PIWIL4: variants seen among roughly 807,000 people sequenced by gnomAD.
PIWIL4 encodes the protein piwi-like protein 4.
In PIWIL4, 50 loss-of-function variants were observed where a neutral mutation model predicts 100.9. That is an observed-to-expected ratio of 0.50 (90% CI 0.39 to 0.63). The LOEUF (loss-of-function observed/expected upper bound fraction) is 0.63, where lower values mean the gene tolerates loss of function less well. Ranked by LOEUF, PIWIL4 falls within the 20% of genes least tolerant of loss-of-function variation. The pLI is 0.00. For synonymous variants in PIWIL4, 342 were observed against 367.5 expected, an observed-to-expected ratio of 0.93 and a Z score of 0.79; for missense variants, 887 against 1,043.3, an observed-to-expected ratio of 0.85 and a Z score of 2.06.
In PIWIL4 at chr11:94,593,658, A is replaced by G. The variant is rs1177058753; in HGVS notation, c.1150+17A>G. ...TTCTAACAGGTAATGTTTGTGTTTT[A>G]TACCTCTGTCAGGCTCCTGGATACA... On this transcript the variant is annotated intron_variant, in intron 9 of 19. Coordinates refer to ENST00000299001, the MANE Select transcript of PIWIL4 (RefSeq NM_152431.3). 6.2e-7 allele frequency: 1 copy of G among 1,612,590 alleles called. No homozygotes were observed. The highest frequency in any genetic ancestry group is 1.3e-5 in the African/African-American group (1 of 74,864).
intron 13 of PIWIL4, among the ~76,000 whole-genome samples, chr11:94,606,025 T>G (rs567407630): frequency 6.6e-6 from 1 of 152,222 alleles, no homozygotes. Context: ...TAGCAGAGAA[T>G]AGTATTTAGA....
rs1948900094 is a variant in PIWIL4 at position 94,621,094 on chromosome 11, T to C, written c.*102T>C. 2.6e-6 allele frequency: 2 copies of C among 759,600 alleles called. No individual in the cohort carries two copies. Among genetic ancestry groups the C allele is most frequent in the Non-Finnish European group, 4.3e-6 (2 of 466,192 alleles). 47.1% of individuals were successfully genotyped at this position (759,600 alleles called of 1,614,324 possible). ...TCAAGGCTGTGACTGGGGAAAAAGA[T>C]TGAGCTTAGTTTTCATGTCTAGGAA... On this transcript the variant is annotated 3_prime_UTR_variant, in exon 20 of 20. Transcript: ENST00000299001.
intron 12 of PIWIL4, 78 bp downstream of exon 12, chr11:94,602,057 A>G (rs1241061713): frequency 1.0e-5 from 14 of 1,354,664 alleles, no homozygotes; most frequent in African/African-American, 3.0e-5. Context: ...ATGTATCAAC[A>G]AAAGCTTCTT....
At chr11:94,614,300 C>CT (rs57731239) in intron 15 of PIWIL4, among the ~76,000 whole-genome samples, 45,573 of 120,088 alleles carry the variant, frequency 0.38, 8,311 homozygotes, top group African/African-American at 0.4. Context: ...TTTTTCTTTT[C>CT]TTTTTTTTTT....
chr11:94,617,837 C>A, intron 16 of PIWIL4, 117 bp from the exon 17 acceptor site: 1 of 1,050,382 alleles, frequency 9.5e-7, no homozygotes, highest in Non-Finnish European at 1.4e-6. Context: ...TATGTATTGC[C>A]CTATTTTACA....
chr11:94,595,257 G>A, intron 9 of PIWIL4, 52 bp from the exon 10 acceptor site: 1 of 1,495,658 alleles, frequency 6.7e-7, no homozygotes, highest in Non-Finnish European at 9.3e-7. Flanking sequence ...CCTTTGATGG[G>A]CTGAGTTGCT....
In PIWIL4 at chr11:94,587,169, C is replaced by G. The variant is rs1209007757; in HGVS notation, c.836C>G (p.Ala279Gly). Residue 279 changes from alanine (A) to glycine (G), a missense_variant, in exon 7 of 20, where the codon GCT becomes GGT. Ala to Gly is a moderately conservative substitution (Grantham distance 60). This residue lies in a region of PIWIL4 where 741 missense variants were observed against 930.0 expected (regional missense o/e 0.80). Coordinates refer to ENST00000299001, the MANE Select transcript of PIWIL4 (RefSeq NM_152431.3). Reference protein sequence around the residue: ...RNETVLEFMTALCQRTGLSCF... With the variant: ...RNETVLEFMTGLCQRTGLSCF... ...GAGACGGTTCTGGAATTCATGACTG[C>G]TCTCTGTCAAAGAACTGGCTTGTCC... The G allele has an allele frequency of 6.2e-7, 1 of 1,614,178 alleles. No individual in the cohort carries two copies. The highest frequency in any genetic ancestry group is 8.5e-7 in the Non-Finnish European group (1 of 1,180,030).
chr11:94,572,889 G>A (rs143109976), intron 2 of PIWIL4, among the ~76,000 whole-genome samples: 3,050 of 152,226 alleles, frequency 0.02, 103 homozygotes, highest in African/African-American at 0.07. Flanking sequence ...CAGTATGGCC[G>A]TTTTCACGAT....
intron 10 of PIWIL4, among the ~76,000 whole-genome samples, chr11:94,597,535 T>C (rs1393755515): frequency 6.6e-6 from 1 of 152,242 alleles, no homozygotes; most frequent in Non-Finnish European, 1.5e-5. Flanking sequence ...GGTCATATAT[T>C]ATTAAATGTT....
chr11:94,584,226 A>G (rs1384009334), intron 5 of PIWIL4, among the ~76,000 whole-genome samples: 2 of 152,196 alleles, frequency 1.3e-5, no homozygotes, highest in African/African-American at 2.4e-5. Context: ...CTTGAGAACC[A>G]CTGTTTTACA....
intron 11 of PIWIL4, among the ~76,000 whole-genome samples, chr11:94,600,815 T>C (rs1030407852): frequency 1.3e-5 from 2 of 152,094 alleles, no homozygotes; most frequent in Non-Finnish European, 2.9e-5. Flanking sequence ...GCATTCTCTT[T>C]CTCAGGGATG....
chr11:94,568,424 G>T (rs1948105535), intron 1 of PIWIL4, among the ~76,000 whole-genome samples: 1 of 152,150 alleles, frequency 6.6e-6, no homozygotes, highest in Non-Finnish European at 1.5e-5. Flanking sequence ...ATGTGCATCT[G>T]TGCCGCATGC....
chr11:94,593,393 G>A (rs1948513041), intron 8 of PIWIL4, 125 bp from the exon 9 acceptor site: 1 of 882,824 alleles, frequency 1.1e-6, no homozygotes, highest in Non-Finnish European at 1.6e-6. Context: ...GCAATAAGTA[G>A]GTAACTATGG....
chr11:94,602,072 C>T, intron 12 of PIWIL4, 93 bp downstream of exon 12: 1 of 1,172,340 alleles, frequency 8.5e-7, no homozygotes, highest in East Asian at 2.4e-5. Flanking sequence ...CTTCTTTATC[C>T]CAGTAGTTTC....
intron 15 of PIWIL4, among the ~76,000 whole-genome samples, chr11:94,610,543 G>A (rs1948777610): frequency 6.6e-6 from 1 of 152,026 alleles, no homozygotes; most frequent in South Asian, 2.1e-4. Context: ...CATCCTACAG[G>A]TGTAAGGTGA....
chr11:94,582,024 T>C (rs1265717513), intron 4 of PIWIL4, among the ~76,000 whole-genome samples: 2 of 152,114 alleles, frequency 1.3e-5, no homozygotes, highest in Non-Finnish European at 2.9e-5. Flanking sequence ...AAATGAAAGT[T>C]TACTGTGAGG....
rs770425226 is a variant in PIWIL4, at chr11:94,620,974, C to T, written c.2541C>T (p.Asn847=). The T allele has an allele frequency of 4.3e-6, 7 of 1,612,566 alleles. No homozygotes were observed. The East Asian group carries it at 8.9e-5, about 21-fold the overall frequency. The change falls in exon 20 of 20, where the codon AAC becomes AAT. Residue 847 remains asparagine, a synonymous_variant. Coordinates refer to ENST00000299001, the MANE Select transcript of PIWIL4 (RefSeq NM_152431.3). ...AAGAACCCAGTCTGGAATTAGCCAACCATCTCTTCTACCTGTGATGGCATG... is the reference window on the plus strand; with the variant it reads ...AAGAACCCAGTCTGGAATTAGCCAATCATCTCTTCTACCTGTGATGGCATG... The part of the protein sequence containing the change: ...IHKEPSLELA[N]HLFYL
chr11:94,587,020 T>C (rs752699360), intron 6 of PIWIL4, 30 bp from the exon 7 acceptor site: 3 of 1,525,312 alleles, frequency 2.0e-6, no homozygotes, highest in African/African-American at 2.8e-5. Flanking sequence ...ACATTGACAA[T>C]ATTCCTTTTT....
chr11:94,603,649 T>C (rs1001721299), intron 12 of PIWIL4, among the ~76,000 whole-genome samples: 1 of 152,198 alleles, frequency 6.6e-6, no homozygotes, highest in Non-Finnish European at 1.5e-5. Flanking sequence ...GAACACTCTT[T>C]CAGACATTTG....
Sources: allele counts gnomAD v4.1 joint callset (sites outside exome capture counted in the v4.1 genomes callset), GRCh38; gene constraint gnomAD v4.1.1; regional missense constraint gnomAD v4.1.1; transcripts MANE v1.5; gene names NCBI Gene and HGNC (gene_info 2026-07-23, HGNC 2026-07-21).